The following STX8 variants were observed in gnomAD, a reference collection of about 807,000 sequenced individuals.
STX8 encodes the protein syntaxin-8.
Under a neutral mutation model 37.5 loss-of-function variants are expected in STX8, and 23 were observed. The observed-to-expected ratio is 0.61, with a 90% CI of 0.44 to 0.87. The LOEUF is 0.87. Ranked by LOEUF, STX8 falls within the 40% of genes least tolerant of loss-of-function variation. The pLI is 0.00. For synonymous variants in STX8, 115 were observed against 99.1 expected (o/e 1.16, Z -0.95); for missense variants, 313 against 284.7 (o/e 1.10, Z -0.71).
chr17:9,341,454 T>C (rs972079669), intron 7 of STX8, among the ~76,000 whole-genome samples: 2 of 152,182 alleles, frequency 1.3e-5, no homozygotes, highest in Non-Finnish European at 2.9e-5. Context: ...TGTTTGTTTT[T>C]TGAGACAGAG....
chr17:9,373,514 C>T (rs1284409859), intron 7 of STX8, among the ~76,000 whole-genome samples: 1 of 152,122 alleles, frequency 6.6e-6, no homozygotes, highest in Non-Finnish European at 1.5e-5. Context: ...TAAAAGTATA[C>T]ATATGATCCC....
intron 2 of STX8, among the ~76,000 whole-genome samples, chr17:9,563,729 T>C (rs538125949): frequency 6.6e-6 from 1 of 152,270 alleles, no homozygotes; most frequent in South Asian, 2.1e-4. Context: ...GTTTTACTTA[T>C]TTAAAATTAA....
intron 6 of STX8, among the ~76,000 whole-genome samples, chr17:9,467,718 C>G (rs371888878): frequency 6.6e-6 from 1 of 152,162 alleles, no homozygotes; most frequent in Admixed American, 6.5e-5. Flanking sequence ...ATCCACTCTC[C>G]GGAGTGGCTC....
intron 6 of STX8, among the ~76,000 whole-genome samples, chr17:9,382,116 G>A (rs987403204): frequency 4.0e-5 from 6 of 151,708 alleles, no homozygotes; most frequent in African/African-American, 1.5e-4. Context: ...ATAGCTACAT[G>A]TATCGAACAA....
chr17:9,569,670 G>C (rs537824575), intron 1 of STX8: 1 of 152,002 alleles, frequency 6.6e-6, no homozygotes, highest in Non-Finnish European at 1.5e-5. Flanking sequence ...TAAGCAGACC[G>C]GATGCGGTGG....
At chr17:9,562,368 C>T (rs1477290880) in intron 2 of STX8, among the ~76,000 whole-genome samples, 9 of 151,054 alleles carry the variant, frequency 6.0e-5, no homozygotes, top group Admixed American at 4.6e-4. Context: ...ATCGCGCCAC[C>T]GCACTCCAGC....
intron 6 of STX8, among the ~76,000 whole-genome samples, chr17:9,438,299 A>G (rs1259332115): frequency 6.7e-6 from 1 of 150,054 alleles, no homozygotes; most frequent in Non-Finnish European, 1.5e-5. Flanking sequence ...TCTCTCCTCT[A>G]CAACACACTA....
At chr17:9,389,427 G>A (rs35954664) in intron 6 of STX8, among the ~76,000 whole-genome samples, 93 of 152,236 alleles carry the variant, frequency 6.1e-4, no homozygotes, top group Non-Finnish European at 1.2e-3. Context: ...TCACGAAGGA[G>A]CTTATATTTC....
At chr17:9,251,807 A>T (rs1906588905) in intron 7 of STX8, among the ~76,000 whole-genome samples, 1 of 152,210 alleles carries the variant, frequency 6.6e-6, no homozygotes, top group Non-Finnish European at 1.5e-5. Context: ...AGGCCATACC[A>T]ATCTTAAGCT....
chr17:9,482,939 A>G (rs1328338043), intron 6 of STX8, among the ~76,000 whole-genome samples: 8 of 152,280 alleles, frequency 5.3e-5, no homozygotes, highest in East Asian at 1.9e-4. Flanking sequence ...AACAAAAAAG[A>G]AATCTCTTCA....
chr17:9,367,055 C>T (rs1911250681), intron 7 of STX8, among the ~76,000 whole-genome samples: 1 of 152,012 alleles, frequency 6.6e-6, no homozygotes, highest in Non-Finnish European at 1.5e-5. Flanking sequence ...TGATACTTTA[C>T]TGGAAAATAA....
chr17:9,361,372 CAT>C (rs1911056969), intron 7 of STX8, among the ~76,000 whole-genome samples: 2 of 152,228 alleles, frequency 1.3e-5, no homozygotes, highest in Non-Finnish European at 2.9e-5. Flanking sequence ...TTCATTCAAA[CAT>C]GTGCAGCTTC....
chr17:9,295,986 T>A (rs527899983), intron 7 of STX8, among the ~76,000 whole-genome samples: 3 of 151,586 alleles, frequency 2.0e-5, no homozygotes, highest in Non-Finnish European at 4.4e-5. Flanking sequence ...GTCAGGAGAT[T>A]GAGACCATCC....
intron 6 of STX8, among the ~76,000 whole-genome samples, chr17:9,437,234 G>A (rs1904468017): frequency 6.6e-6 from 1 of 152,136 alleles, no homozygotes; most frequent in Admixed American, 6.6e-5. Flanking sequence ...AATGCGCTCT[G>A]GTCTCCAACA....
In STX8 at chr17:9,361,782, C is replaced by CT. The variant is rs111810702; in HGVS notation, c.643+16769dup. 3.3e-5 allele frequency among the ~76,000 whole-genome samples: 5 copies of CT among 152,286 alleles called. 1 individual carries two copies. The highest frequency in any genetic ancestry group is 1.2e-4 in the African/African-American group (5 of 41,564). ...AATAACTGGCAGGAGCTGGATGCCT[C>CT]TTAAACAGAGTGGCAAGCACCAGAA... On this transcript the variant is annotated intron_variant, in intron 7 of 7. Transcript: ENST00000306357.
chr17:9,575,800 C>T lies in STX8; in HGVS notation c.9G>A (p.Pro3=). The T allele has an allele frequency of 6.5e-7, 1 of 1,542,196 alleles. No homozygotes were observed. Among genetic ancestry groups the T allele is most frequent in the Non-Finnish European group, 8.7e-7 (1 of 1,146,398 alleles). Reference sequence around the variant, plus strand: ...CCTCACCCGGGACTCACCAGGGGTCCGGTGCCATCCTGCAGACTCCGCCCG... The same window carrying T: ...CCTCACCCGGGACTCACCAGGGGTCTGGTGCCATCCTGCAGACTCCGCCCG... MA[P]DPWFSTYDST... The change falls in exon 1 of 8, where the codon CCG becomes CCA. Residue 3 remains proline, a synonymous_variant. Coordinates refer to ENST00000306357, the MANE Select transcript of STX8 (RefSeq NM_004853.3).
intron 7 of STX8, among the ~76,000 whole-genome samples, chr17:9,311,142 CAGG>C (rs1351204976): frequency 6.6e-6 from 1 of 151,270 alleles, no homozygotes; most frequent in East Asian, 1.9e-4. Context: ...GAGGCTGAGG[CAGG>C]AGAATTGCTT....
chr17:9,405,236 G>A (rs544115204), intron 6 of STX8, among the ~76,000 whole-genome samples: 15 of 152,242 alleles, frequency 9.9e-5, no homozygotes, highest in African/African-American at 3.1e-4. Flanking sequence ...AGAGTACCAC[G>A]TGTAATGAGA....
At chr17:9,377,381 G>A (rs2142282726) in intron 7 of STX8, among the ~76,000 whole-genome samples, 1 of 151,790 alleles carries the variant, frequency 6.6e-6, no homozygotes, top group South Asian at 2.1e-4. Flanking sequence ...GCTCACTGCA[G>A]CCTCAGCCTC....
Sources: allele counts gnomAD v4.1 joint callset (sites outside exome capture counted in the v4.1 genomes callset), GRCh38; gene constraint gnomAD v4.1.1; transcripts MANE v1.5; gene names NCBI Gene and HGNC (gene_info 2026-07-23, HGNC 2026-07-21).